CCDC146: variants seen among roughly 807,000 people sequenced by gnomAD.
CCDC146 encodes coiled-coil domain containing 146.
A neutral mutation model predicts 119.3 loss-of-function variants in CCDC146; 92 were observed. The observed-to-expected ratio is 0.77, with a 90% CI of 0.65 to 0.92. CCDC146 has a LOEUF of 0.92. Among genes scored for constraint, CCDC146 ranks in the 40% least tolerant of loss-of-function variants. CCDC146 has a pLI of 0.00. For missense variants in CCDC146, 1,000 were observed against 1,103.0 expected (o/e 0.91, Z 1.32); for synonymous variants, 372 against 371.8 (o/e 1.00, Z -0.01).
At chr7:77,258,611 T>G (rs1424805443) in intron 6 of CCDC146, among the ~76,000 whole-genome samples, 1 of 152,240 alleles carries the variant, frequency 6.6e-6, no homozygotes, top group African/African-American at 2.4e-5. Context: ...AAAAGTGTCC[T>G]GAGAATGTAG....
intron 5 of CCDC146, 105 bp downstream of exon 5, chr7:77,254,668 A>G (rs1584115058): frequency 7.7e-6 from 5 of 645,340 alleles, no homozygotes; most frequent in East Asian, 5.8e-5. Flanking sequence ...AAACATTTTA[A>G]AGACTCTAAA....
In CCDC146 at chr7:77,176,370, T is replaced by C. The variant is rs1345568151; in HGVS notation, c.156+8546T>C. Among the ~76,000 whole-genome samples the C allele has an allele frequency of 2.0e-5, 3 of 151,072 alleles. 1 individual carries two copies. Among genetic ancestry groups the C allele is most frequent in the African/African-American group, 7.4e-5 (3 of 40,650 alleles). On this transcript the variant is annotated intron_variant, in intron 2 of 18. Coordinates refer to ENST00000285871, the MANE Select transcript of CCDC146 (RefSeq NM_020879.3). ...TGAGGAAAAAAGGAGTGAATACATT[T>C]AGGAGAGATGTTAAGGAAGTATAAA...
At chr7:77,251,005 G>GTGTGTGTGTT (rs1562847988) in intron 4 of CCDC146, among the ~76,000 whole-genome samples, 1 of 146,448 alleles carries the variant, frequency 6.8e-6, no homozygotes, top group Non-Finnish European at 1.5e-5. Context: ...GTGTGTGTGT[G>GTGTGTGTGTT]TGTGTGTGTG....
intron 1 of CCDC146, among the ~76,000 whole-genome samples, chr7:77,128,093 T>C (rs1000067358): frequency 6.6e-6 from 1 of 152,042 alleles, no homozygotes; most frequent in Non-Finnish European, 1.5e-5. Context: ...ATTTTAAACA[T>C]ACTGATGCAA....
At chr7:77,279,664 A>T (rs1230411371) in intron 13 of CCDC146, among the ~76,000 whole-genome samples, 2 of 152,218 alleles carry the variant, frequency 1.3e-5, no homozygotes, top group East Asian at 3.8e-4. Context: ...GTAACCTTGG[A>T]CAAGCTGCTT....
chr7:77,162,135 C>A (rs1791272408), intron 1 of CCDC146, among the ~76,000 whole-genome samples: 1 of 152,180 alleles, frequency 6.6e-6, no homozygotes, highest in Admixed American at 6.5e-5. Context: ...TTTTGCTGTG[C>A]AGAAGTTTTT....
intron 13 of CCDC146, among the ~76,000 whole-genome samples, chr7:77,279,737 G>T (rs576023050): frequency 5.3e-5 from 8 of 152,136 alleles, no homozygotes; most frequent in East Asian, 1.9e-4. Flanking sequence ...ACTGTGAAAT[G>T]AGCTAATTCA....
chr7:77,287,159 C>A, intron 16 of CCDC146: 1 of 609,082 alleles, frequency 1.6e-6, no homozygotes, highest in South Asian at 2.1e-5. Context: ...CTCTCATGAC[C>A]CAAAGGAGTA....
At chr7:77,218,804 T>C (rs926937991) in intron 2 of CCDC146, among the ~76,000 whole-genome samples, 1 of 152,008 alleles carries the variant, frequency 6.6e-6, no homozygotes, top group Non-Finnish European at 1.5e-5. Flanking sequence ...ACTCCTGGGC[T>C]CAAGTGATCC....
chr7:77,243,863 T>C (rs1209515334), intron 4 of CCDC146, among the ~76,000 whole-genome samples: 1 of 152,114 alleles, frequency 6.6e-6, no homozygotes, highest in Non-Finnish European at 1.5e-5. Context: ...TGTTTATGTC[T>C]GTTTTTGTTA....
intron 1 of CCDC146, among the ~76,000 whole-genome samples, chr7:77,137,727 G>A (rs1790879069): frequency 6.6e-6 from 1 of 152,046 alleles, no homozygotes; most frequent in African/African-American, 2.4e-5. Context: ...CAACTCATTT[G>A]TGGATATCAA....
intron 1 of CCDC146, among the ~76,000 whole-genome samples, chr7:77,124,371 C>T (rs1394406628): frequency 1.3e-5 from 2 of 152,144 alleles, no homozygotes; most frequent in African/African-American, 2.4e-5. Flanking sequence ...CACATATCAA[C>T]AATGATTAAT....
At chr7:77,265,615 C>T (rs1365652772) in intron 9 of CCDC146, among the ~76,000 whole-genome samples, 1 of 152,122 alleles carries the variant, frequency 6.6e-6, no homozygotes, top group African/African-American at 2.4e-5. Flanking sequence ...GATTAAGTAC[C>T]ATAGAAGGGA....
chr7:77,198,819 C>G (rs1251274611), intron 2 of CCDC146: 1 of 271,308 alleles, frequency 3.7e-6, no homozygotes, highest in African/African-American at 2.2e-5. Flanking sequence ...AAACAAGGCA[C>G]AATTGTGAAC....
At chr7:77,143,981 CA>C (rs1790976711) in intron 1 of CCDC146, among the ~76,000 whole-genome samples, 2 of 151,764 alleles carry the variant, frequency 1.3e-5, no homozygotes, top group African/African-American at 4.9e-5. Context: ...ATGGGGATGG[CA>C]TTGAATCTAT....
intron 4 of CCDC146, among the ~76,000 whole-genome samples, chr7:77,251,637 T>A (rs936346269): frequency 2.0e-5 from 3 of 151,908 alleles, no homozygotes; most frequent in Non-Finnish European, 4.4e-5. Flanking sequence ...TTCTACAGTG[T>A]TGTGATTAGG....
At chr7:77,181,136 G>A (rs1163154396) in intron 2 of CCDC146, among the ~76,000 whole-genome samples, 1 of 152,190 alleles carries the variant, frequency 6.6e-6, no homozygotes, top group Non-Finnish European at 1.5e-5. Flanking sequence ...TGAATAGGGT[G>A]TCACATGGCA....
intron 11 of CCDC146, among the ~76,000 whole-genome samples, chr7:77,276,890 G>T (rs1793656081): frequency 6.6e-6 from 1 of 152,160 alleles, no homozygotes; most frequent in Non-Finnish European, 1.5e-5. Flanking sequence ...GCCCAACATG[G>T]TGAAAGCCCA....
rs1213349294 is a variant in CCDC146 at position 77,295,133 on chromosome 7, A to G, written c.*267A>G. ...ATTTTCTTTTTCACTCTTTATATTG[A>G]GTACATTCCAGAAATTTGTAGTAGG... On this transcript the variant is annotated 3_prime_UTR_variant, in exon 19 of 19. Coordinates refer to ENST00000285871, the MANE Select transcript of CCDC146 (RefSeq NM_020879.3). 1 of 335,552 alleles carries G rather than the reference A, an allele frequency of 3.0e-6. No homozygotes were observed. The highest frequency in any genetic ancestry group is 5.5e-6 in the Non-Finnish European group (1 of 182,606). 20.8% of individuals were successfully genotyped at this position (335,552 alleles called of 1,614,324 possible).
Sources: allele counts gnomAD v4.1 joint callset (sites outside exome capture counted in the v4.1 genomes callset), GRCh38; gene constraint gnomAD v4.1.1; transcripts MANE v1.5; gene names NCBI Gene and HGNC (gene_info 2026-07-23, HGNC 2026-07-21).